The following PHKB variants were observed in gnomAD, a reference collection of about 807,000 sequenced individuals.
PHKB encodes phosphorylase b kinase regulatory subunit beta.
Under a neutral mutation model 152.1 loss-of-function variants are expected in PHKB, and 122 were observed. That is an observed-to-expected ratio of 0.80 (90% CI 0.69 to 0.93). The LOEUF is 0.93. Ranked by LOEUF, PHKB falls within the 40% of genes least tolerant of loss-of-function variation. The pLI is 0.00. For missense variants in PHKB, 1,304 were observed against 1,328.4 expected, an observed-to-expected ratio of 0.98 and a Z score of 0.29; for synonymous variants, 436 against 464.9, an observed-to-expected ratio of 0.94 and a Z score of 0.80.
In PHKB at chr16:47,699,376, T is replaced by C; in HGVS notation, c.*10T>C. The C allele has an allele frequency of 6.2e-7, 1 of 1,613,910 alleles. No homozygotes were observed. Among genetic ancestry groups the C allele is most frequent in the Non-Finnish European group, 8.5e-7 (1 of 1,179,884 alleles). ...GTGTCTGATTAGCTAGTGGGGAAGG[T>C]GTAGGAAGCTCTGTTGAGACACATG... On this transcript the variant is annotated 3_prime_UTR_variant, in exon 31 of 31. Transcript: ENST00000323584.
intron 6 of PHKB, among the ~76,000 whole-genome samples, chr16:47,524,912 T>C (rs1970741715): frequency 6.6e-6 from 1 of 152,230 alleles, no homozygotes. Context: ...TCTACTTGAC[T>C]CACTTACGAT....
chr16:47,677,950 T>C (rs1973766419), intron 26 of PHKB, among the ~76,000 whole-genome samples: 2 of 128,180 alleles, frequency 1.6e-5, no homozygotes, highest in South Asian at 5.3e-4. Context: ...CCCCGGAGTG[T>C]GATATTCCCC....
intron 28 of PHKB, among the ~76,000 whole-genome samples, chr16:47,694,123 G>T (rs1296224144): frequency 6.6e-6 from 1 of 152,164 alleles, no homozygotes; most frequent in Admixed American, 6.5e-5. Context: ...TAGGTCATTG[G>T]ACAGACAATC....
intron 7 of PHKB, among the ~76,000 whole-genome samples, chr16:47,575,116 A>G (rs2151689971): frequency 6.6e-6 from 1 of 152,336 alleles, no homozygotes; most frequent in East Asian, 1.9e-4. Context: ...GCTCAACATC[A>G]CTAATCATCA....
chr16:47,673,350 C>G (rs1196239414), intron 26 of PHKB, among the ~76,000 whole-genome samples: 1 of 152,070 alleles, frequency 6.6e-6, no homozygotes, highest in Non-Finnish European at 1.5e-5. Flanking sequence ...GAGCATGTCT[C>G]TGTACTCTTA....
rs568378043 is a variant in PHKB, at chr16:47,576,024, C to T, written c.711-4271C>T. 6.4e-4 allele frequency among the ~76,000 whole-genome samples: 97 copies of T among 152,078 alleles called. 1 individual carries two copies. The highest frequency in any genetic ancestry group is 8.4e-4 in the Non-Finnish European group (57 of 68,018). On this transcript the variant is annotated intron_variant, in intron 7 of 30. Transcript: ENST00000323584. ...CCGGGAGGCGGAGGTTGTGGTGAGC[C>T]GAGATCGCGCCATTGCACTCCAGCT... is the stretch of plus-strand genomic sequence containing the variant.
intron 8 of PHKB, 29 bp from the exon 9 acceptor site, chr16:47,587,638 TA>T (rs1971957303): frequency 6.5e-7 from 1 of 1,540,880 alleles, no homozygotes; most frequent in Non-Finnish European, 9.0e-7. Flanking sequence ...TTTCTTAATT[TA>T]GGAAATGTTT....
intron 7 of PHKB, among the ~76,000 whole-genome samples, chr16:47,560,454 C>G (rs1433617001): frequency 6.6e-6 from 1 of 152,150 alleles, no homozygotes; most frequent in Non-Finnish European, 1.5e-5. Flanking sequence ...GTTAGGGAAC[C>G]AGGCTAGCCA....
chr16:47,664,134 T>C (rs1973494454), intron 24 of PHKB: 1 of 185,792 alleles, frequency 5.4e-6, no homozygotes, highest in African/African-American at 2.4e-5. Flanking sequence ...AAGGCTATTG[T>C]CTTGTCACTT....
chr16:47,566,461 C>G, intron 7 of PHKB: 1 of 1,609,102 alleles, frequency 6.2e-7, no homozygotes, highest in Non-Finnish European at 8.5e-7. Context: ...GAATCCAGGT[C>G]CTCAAATTCA....
intron 4 of PHKB, among the ~76,000 whole-genome samples, chr16:47,507,774 A>G (rs1970445717): frequency 6.6e-6 from 1 of 152,234 alleles, no homozygotes; most frequent in South Asian, 2.1e-4. Flanking sequence ...ATTCTAGTGC[A>G]TATGAGTGTG....
At position 47,696,411 on chromosome 16, in the gene PHKB, G is replaced by A. The variant is rs199948078; in HGVS notation, c.2926G>A (p.Glu976Lys). The A allele has an allele frequency of 3.7e-6, 6 of 1,608,724 alleles. No individual in the cohort carries two copies. Among genetic ancestry groups the A allele is most frequent in the African/African-American group, 2.7e-5 (2 of 74,790 alleles). Residue 976 changes from glutamate (E) to lysine (K), a missense_variant, in exon 29 of 31, where the codon GAG becomes AAG. Glu to Lys is a moderately conservative substitution (Grantham distance 56). Transcript: ENST00000323584. ...QPTLSDMTMY[E>K]MNFSLLVEDT... Reference sequence around the variant, plus strand: ...AACCCTGTCAGATATGACCATGTATGAGATGAATTTCTCTCTCCTTGTTGA... The same window carrying A: ...AACCCTGTCAGATATGACCATGTATAAGATGAATTTCTCTCTCCTTGTTGA...
At chr16:47,502,407 T>C (rs1970338248) in intron 3 of PHKB, among the ~76,000 whole-genome samples, 1 of 152,220 alleles carries the variant, frequency 6.6e-6, no homozygotes, top group African/African-American at 2.4e-5. Context: ...TAAAATATGC[T>C]CAATTGATTT....
chr16:47,583,494 T>C (rs1402211679), intron 8 of PHKB, among the ~76,000 whole-genome samples: 1 of 152,216 alleles, frequency 6.6e-6, no homozygotes, highest in African/African-American at 2.4e-5. Context: ...TCAGATCATA[T>C]TGATATTCAC....
intron 29 of PHKB, 85 bp from the exon 30 acceptor site, chr16:47,698,363 G>T: frequency 1.0e-6 from 1 of 989,434 alleles, no homozygotes; most frequent in Non-Finnish European, 1.6e-6. Context: ...AATATCCTTT[G>T]GATCACCCAT....
At chr16:47,572,531 A>AAAAGAGC (rs1238067849) in intron 7 of PHKB, among the ~76,000 whole-genome samples, 1 of 152,164 alleles carries the variant, frequency 6.6e-6, no homozygotes, top group Non-Finnish European at 1.5e-5. Context: ...GCTTCAGGCT[A>AAAAGAGC]TGGACAGGTC....
At position 47,669,346 on chromosome 16, in the gene PHKB, G is replaced by A. The variant is rs550418875; in HGVS notation, c.2559G>A (p.Leu853=). Residue 853 remains leucine (L), a synonymous_variant, in exon 26 of 31, where the codon CTG becomes CTA. Transcript: ENST00000323584. ...DEREAVIQQE[L]VIHIGWIISN... is the part of the protein sequence containing the mutation. ...GGGAAGCGGTCATTCAGCAAGAACTGGTCATCCATATTGGCTGGATCATCT... is the reference window on the plus strand; with the variant it reads ...GGGAAGCGGTCATTCAGCAAGAACTAGTCATCCATATTGGCTGGATCATCT... The A allele has an allele frequency of 3.1e-6, 5 of 1,614,088 alleles. No individual in the cohort carries two copies. The highest frequency in any genetic ancestry group is 4.2e-6 in the Non-Finnish European group (5 of 1,179,992).
At chr16:47,650,276 G>A (rs1163138199) in intron 18 of PHKB, among the ~76,000 whole-genome samples, 1 of 151,932 alleles carries the variant, frequency 6.6e-6, no homozygotes, top group Non-Finnish European at 1.5e-5. Context: ...AAAAAAGAGG[G>A]GGAAAACACA....
intron 26 of PHKB, among the ~76,000 whole-genome samples, chr16:47,671,488 T>C (rs1973637518): frequency 1.3e-5 from 2 of 152,212 alleles, no homozygotes; most frequent in African/African-American, 2.4e-5. Context: ...TTTTATACTT[T>C]ATATTTACCA....
Sources: gnomAD v4.1 joint callset for allele counts (sites outside exome capture counted in the v4.1 genomes callset) on GRCh38, gnomAD v4.1.1 for gene constraint, MANE v1.5 for transcripts, NCBI Gene and HGNC (gene_info 2026-07-23, HGNC 2026-07-21) for gene names.